The following ZNF232 variants were observed in gnomAD, a reference collection of about 807,000 sequenced individuals.
ZNF232 encodes the protein zinc finger protein 232, also known as zinc finger and SCAN domain-containing protein 11.
ZNF232 carries 25 observed loss-of-function variants against 25.2 expected under a neutral mutation model. The observed-to-expected ratio is 0.99, with a 90% confidence interval of 0.72 to 1.39. ZNF232 has a LOEUF of 1.39. Ranked by LOEUF, ZNF232 falls within the 40% of genes most tolerant of loss-of-function variation. The pLI is 0.00. For missense variants in ZNF232, 519 were observed against 520.9 expected, an observed-to-expected ratio of 1.00 and a Z score of 0.04; for synonymous variants, 193 against 182.9, an observed-to-expected ratio of 1.06 and a Z score of -0.45.
intron 1 of ZNF232, 25 bp from the exon 2 acceptor site, chr17:5,109,893 CT>C: frequency 6.4e-7 from 1 of 1,552,606 alleles, no homozygotes. Context: ...GAAATCATTC[CT>C]CTTTTTTTTT....
chr17:5,111,889 G>C (rs757028146), upstream of ZNF232: 186 of 1,601,828 alleles, frequency 1.2e-4, no homozygotes, highest in Non-Finnish European at 1.5e-4. Flanking sequence ...GCCTGCGCAG[G>C]TCGCAGCCTC....
upstream of ZNF232, among the ~76,000 whole-genome samples, chr17:5,115,588 G>A (rs1371697225): frequency 9.1e-6 from 1 of 109,992 alleles, no homozygotes; most frequent in Admixed American, 9.7e-5. Flanking sequence ...AACCCAAAAC[G>A]GAACAGAGGC....
intron 1 of ZNF232, chr17:5,120,507 C>T (rs1476352922): frequency 6.0e-6 from 2 of 334,040 alleles, no homozygotes; most frequent in African/African-American, 4.3e-5. Context: ...GTTGGCCTAT[C>T]TGTGTCTGTC....
chr17:5,119,121 C>A (rs1468061813), intron 1 of ZNF232, among the ~76,000 whole-genome samples: 1 of 152,152 alleles, frequency 6.6e-6, no homozygotes, highest in Non-Finnish European at 1.5e-5. Context: ...TATGAAGAAA[C>A]CTCTCCTAAG....
intron 2 of ZNF232, 54 bp from the exon 3 acceptor site, chr17:5,109,106 G>A: frequency 6.2e-7 from 1 of 1,611,400 alleles, no homozygotes; most frequent in Non-Finnish European, 8.5e-7. Flanking sequence ...TACTAGTGTG[G>A]TTTCTGTCCC....
At chr17:5,111,692 C>G in intron 1 of ZNF232, 108 bp downstream of exon 1, 1 of 1,574,554 alleles carries the variant, frequency 6.4e-7, no homozygotes, top group Non-Finnish European at 8.6e-7. Context: ...CACACACAAC[C>G]GCGGAGCTGC....
upstream of ZNF232, among the ~76,000 whole-genome samples, chr17:5,116,127 T>TC (rs1296390934): frequency 3.3e-5 from 5 of 152,142 alleles, no homozygotes; most frequent in Non-Finnish European, 7.4e-5. Context: ...CCATCAGTCT[T>TC]CCCCTCACTC....
At chr17:5,111,649 G>T in intron 1 of ZNF232, 151 bp downstream of exon 1, 1 of 1,161,764 alleles carries the variant, frequency 8.6e-7, no homozygotes, top group Non-Finnish European at 1.2e-6. Flanking sequence ...AGGTAGCGCA[G>T]CGCGGGCACC....
intron 1 of ZNF232, among the ~76,000 whole-genome samples, chr17:5,110,594 GA>G (rs2072379495): frequency 6.6e-6 from 1 of 152,166 alleles, no homozygotes; most frequent in Admixed American, 6.5e-5. Flanking sequence ...AAAAATTTCT[GA>G]AGTAGTAGCT....
intron 1 of ZNF232, 66 bp from the exon 2 acceptor site, chr17:5,109,934 G>C: frequency 6.9e-7 from 1 of 1,449,974 alleles, no homozygotes; most frequent in Non-Finnish European, 9.2e-7. Context: ...CTGTTACCCA[G>C]GCTGGAGTGC....
intron 2 of ZNF232, 53 bp from the exon 3 acceptor site, chr17:5,109,105 GGTTTC>G (rs1219339279): frequency 3.7e-6 from 6 of 1,611,500 alleles, no homozygotes; most frequent in Non-Finnish European, 5.1e-6. Context: ...TTACTAGTGT[GGTTTC>G]TGTCCCCTGC....
At chr17:5,111,741 G>C (rs1386014769) in intron 1 of ZNF232, 59 bp downstream of exon 1, 1 of 1,612,346 alleles carries the variant, frequency 6.2e-7, no homozygotes, top group East Asian at 2.2e-5. Context: ...CGCTGCCTGC[G>C]GGACGGGCAA....
chr17:5,115,184 G>C (rs188836437), upstream of ZNF232, among the ~76,000 whole-genome samples: 55 of 152,094 alleles, frequency 3.6e-4, no homozygotes, highest in East Asian at 9.9e-3. Context: ...GCATCTTTTG[G>C]GGGGTGGGGC....
chr17:5,122,500 CAA>C (rs1448830955), intron 1 of ZNF232, among the ~76,000 whole-genome samples: 2 of 152,250 alleles, frequency 1.3e-5, no homozygotes, highest in African/African-American at 4.8e-5. Context: ...TTCCAAAGGA[CAA>C]GCGGCCCGGC....
chr17:5,107,616 G>C (rs2072293756), intron 3 of ZNF232, among the ~76,000 whole-genome samples: 1 of 147,226 alleles, frequency 6.8e-6, no homozygotes, highest in South Asian at 2.1e-4. Context: ...TTGGCTCACT[G>C]CAACCTCTGC....
chr17:5,108,305 C>G (rs143197342), intron 3 of ZNF232, among the ~76,000 whole-genome samples: 32 of 152,156 alleles, frequency 2.1e-4, no homozygotes, highest in African/African-American at 6.7e-4. Flanking sequence ...TAGTGTTCGC[C>G]GCTGGGAGAG....
intron 1 of ZNF232, among the ~76,000 whole-genome samples, chr17:5,110,341 G>A (rs1279226999): frequency 2.6e-5 from 4 of 152,110 alleles, no homozygotes; most frequent in Admixed American, 6.5e-5. Context: ...AACTTGCACC[G>A]TGGTAGAAAC....
chr17:5,110,899 AG>A (rs1449034186), intron 1 of ZNF232, among the ~76,000 whole-genome samples: 1 of 152,190 alleles, frequency 6.6e-6, no homozygotes, highest in Non-Finnish European at 1.5e-5. Flanking sequence ...GAAAGCTGGC[AG>A]GAGGGGAAGG....
intron 1 of ZNF232, among the ~76,000 whole-genome samples, chr17:5,121,144 C>A (rs954424939): frequency 6.6e-6 from 1 of 152,150 alleles, no homozygotes; most frequent in African/African-American, 2.4e-5. Flanking sequence ...AGAATAACAC[C>A]CAGTGCCTGT....
Sources: gnomAD v4.1 joint callset for allele counts (sites outside exome capture counted in the v4.1 genomes callset) on GRCh38, gnomAD v4.1.1 for gene constraint, MANE v1.5 for transcripts, NCBI Gene and HGNC (gene_info 2026-07-23, HGNC 2026-07-21) for gene names.